The following HADHB variants were observed in gnomAD, a reference collection of about 807,000 sequenced individuals.
HADHB encodes the protein hydroxyacyl-CoA dehydrogenase trifunctional multienzyme complex subunit beta, also known as trifunctional enzyme subunit beta, mitochondrial.
In HADHB, 50 loss-of-function variants were observed where a neutral mutation model predicts 61.9. That is an observed-to-expected ratio of 0.81 (90% CI 0.64 to 1.02). The LOEUF (loss-of-function observed/expected upper bound fraction) is 1.02. HADHB is among the 50% of genes least tolerant of loss of function. HADHB has a pLI of 0.00. For synonymous variants in HADHB, 191 were observed against 201.6 expected (o/e 0.95, Z 0.45); for missense variants, 504 against 586.5 (o/e 0.86, Z 1.45).
chr2:26,255,430 C>T (rs1671567984), intron 3 of HADHB, among the ~76,000 whole-genome samples: 1 of 149,504 alleles, frequency 6.7e-6, no homozygotes, highest in Non-Finnish European at 1.5e-5. Flanking sequence ...ACCCAGGAGG[C>T]GGAGCTTGCA....
intron 10 of HADHB, among the ~76,000 whole-genome samples, chr2:26,281,754 A>T (rs1672798753): frequency 6.6e-6 from 1 of 152,176 alleles, no homozygotes; most frequent in Non-Finnish European, 1.5e-5. Flanking sequence ...ATGGTCACCT[A>T]TGTCTCCAGA....
intron 1 of HADHB, among the ~76,000 whole-genome samples, chr2:26,245,982 G>T (rs1485417686): frequency 6.6e-6 from 1 of 152,228 alleles, no homozygotes; most frequent in Non-Finnish European, 1.5e-5. Context: ...GAAACAAGGG[G>T]CATCGAAGTT....
At chr2:26,254,863 T>C (rs1671544296) in intron 3 of HADHB, 2 of 223,168 alleles carry the variant, frequency 9.0e-6, no homozygotes, top group South Asian at 1.3e-4. Context: ...AATGCTTCTC[T>C]ATTGATGAAT....
At chr2:26,283,622 C>CAT (rs1398706015) in intron 12 of HADHB, among the ~76,000 whole-genome samples, 1 of 152,078 alleles carries the variant, frequency 6.6e-6, no homozygotes, top group Non-Finnish European at 1.5e-5. Context: ...ATAAGTTTTA[C>CAT]ATATATATAT....
At chr2:26,245,119 G>C (rs1041880674) in intron 1 of HADHB, 129 bp downstream of exon 1, 4 of 215,798 alleles carry the variant, frequency 1.9e-5, no homozygotes, top group African/African-American at 9.1e-5. Flanking sequence ...TGAGGGAGCG[G>C]AAGGAAACTC....
intron 5 of HADHB, among the ~76,000 whole-genome samples, chr2:26,271,899 CA>C (rs1008040365): frequency 3.3e-5 from 5 of 150,386 alleles, no homozygotes; most frequent in East Asian, 1.9e-4. Context: ...GACTTTGTCT[CA>C]AAAAAAAAAT....
chr2:26,257,801 C>T (rs1347850377), intron 3 of HADHB, among the ~76,000 whole-genome samples: 3 of 151,900 alleles, frequency 2.0e-5, no homozygotes, highest in East Asian at 1.9e-4. Flanking sequence ...AGGCGGATCA[C>T]GAGGTCAAGA....
intron 1 of HADHB, among the ~76,000 whole-genome samples, chr2:26,253,496 C>T (rs1275783752): frequency 2.0e-5 from 3 of 152,130 alleles, no homozygotes; most frequent in African/African-American, 4.8e-5. Flanking sequence ...CTAGCAGTCT[C>T]TCTGCTTCTT....
intron 4 of HADHB, among the ~76,000 whole-genome samples, chr2:26,263,982 G>C (rs1671964392): frequency 6.6e-6 from 1 of 152,134 alleles, no homozygotes; most frequent in Admixed American, 6.5e-5. Flanking sequence ...GAATTCCCTA[G>C]ATCCAAATTG....
chr2:26,255,831 T>C (rs1224705008), intron 3 of HADHB, among the ~76,000 whole-genome samples: 1 of 152,222 alleles, frequency 6.6e-6, no homozygotes, highest in Admixed American at 6.5e-5. Flanking sequence ...GCCTTTACAT[T>C]CTAACTAGAA....
chr2:26,280,604 G>A (rs1428905663), intron 10 of HADHB, among the ~76,000 whole-genome samples: 1 of 152,152 alleles, frequency 6.6e-6, no homozygotes, highest in Admixed American at 6.5e-5. Context: ...TGTAATCCCA[G>A]CACTTTGGGA....
intron 1 of HADHB, among the ~76,000 whole-genome samples, chr2:26,247,469 G>A (rs1419961552): frequency 2.0e-5 from 3 of 152,116 alleles, no homozygotes; most frequent in East Asian, 1.9e-4. Flanking sequence ...TCCACCACCC[G>A]GAGATAACTA....
In HADHB at chr2:26,279,273, G is replaced by T. The variant is rs372836972; in HGVS notation, c.769G>T (p.Asp257Tyr). ...TCACAGTCTAGCCAAGAAGGCACAG[G>T]ATGAAGGACTCCTTTCTGATGTGGT... ...RSHSLAKKAQ[D>Y]EGLLSDVVPF... is the part of the protein sequence containing the mutation. The change falls in exon 9 of 16, where the codon GAT (aspartate) becomes TAT (tyrosine). Residue 257 changes from aspartate to tyrosine, a missense_variant. Asp to Tyr is a radical substitution (Grantham distance 160). Transcript: ENST00000317799. 2 of 1,613,554 alleles carry T rather than the reference G, an allele frequency of 1.2e-6. No homozygotes were observed. Among genetic ancestry groups the T allele is most frequent in the Non-Finnish European group, 1.7e-6 (2 of 1,179,484 alleles).
chr2:26,246,172 CCTG>C, intron 1 of HADHB, among the ~76,000 whole-genome samples: 1 of 152,300 alleles, frequency 6.6e-6, no homozygotes, highest in Middle Eastern at 3.4e-3. Flanking sequence ...GAGCCTGCCT[CCTG>C]CCCATGTAAT....
At chr2:26,282,525 C>T (rs976543344) in intron 10 of HADHB, among the ~76,000 whole-genome samples, 2 of 152,140 alleles carry the variant, frequency 1.3e-5, no homozygotes, top group African/African-American at 4.8e-5. Flanking sequence ...TCCCAAAGTG[C>T]TGGGATTACA....
intron 6 of HADHB, among the ~76,000 whole-genome samples, chr2:26,274,318 G>C (rs1299772931): frequency 6.6e-6 from 1 of 152,198 alleles, no homozygotes; most frequent in Non-Finnish European, 1.5e-5. Flanking sequence ...TCTAGGATGT[G>C]TCCTACAGGC....
chr2:26,285,699 G>A (rs1672996937), intron 15 of HADHB, 128 bp downstream of exon 15: 1 of 386,898 alleles, frequency 2.6e-6, no homozygotes, highest in South Asian at 1.9e-5. Context: ...AGTGGGGAGG[G>A]ATAACAGCTG....
chr2:26,263,783 A>G (rs1671956549), intron 4 of HADHB, among the ~76,000 whole-genome samples: 1 of 152,196 alleles, frequency 6.6e-6, no homozygotes, highest in South Asian at 2.1e-4. Flanking sequence ...AGACAAGTAC[A>G]TTGTCCCTGT....
In HADHB at chr2:26,276,956, C is replaced by T. The variant is rs923383163; in HGVS notation, c.355-117C>T. The T allele has an allele frequency of 3.4e-5, 24 of 709,488 alleles. No individual in the cohort carries two copies. In the African/African-American group the frequency reaches 3.9e-4, roughly 11 times the overall value. 43.9% of individuals were successfully genotyped at this position (709,488 alleles called of 1,614,324 possible). ...ACTTCATTTGATTTTAAATATTGCT[C>T]TGGAGAATGTTAAACTGAAACCGTT... On this transcript the variant is annotated intron_variant, in intron 6 of 15. Coordinates refer to ENST00000317799, the MANE Select transcript of HADHB (RefSeq NM_000183.3).
Sources: allele counts gnomAD v4.1 joint callset (sites outside exome capture counted in the v4.1 genomes callset), GRCh38; gene constraint gnomAD v4.1.1; transcripts MANE v1.5; gene names NCBI Gene and HGNC (gene_info 2026-07-23, HGNC 2026-07-21).